Variants in DSCAM observed in about 807,000 individuals in gnomAD.
DSCAM encodes the protein DS cell adhesion molecule, also known as cell adhesion molecule DSCAM.
A neutral mutation model predicts 217.7 loss-of-function variants in DSCAM; 47 were observed. The ratio of observed to expected loss-of-function variants is 0.22; its 90% confidence interval spans 0.17 to 0.28. The LOEUF is 0.28. DSCAM is among the 10% of genes least tolerant of loss of function. The probability of loss-of-function intolerance (pLI) is 1.00; values close to 1 mark genes in which losing one functional copy is unlikely to be tolerated. For missense variants in DSCAM, 2,080 were observed against 2,618.3 expected, an observed-to-expected ratio of 0.79 and a Z score of 4.49; for synonymous variants, 1,056 against 1,015.3, an observed-to-expected ratio of 1.04 and a Z score of -0.76.
At chr21:40,037,917 A>C (rs1480472622) in intron 32 of DSCAM, among the ~76,000 whole-genome samples, 1 of 148,092 alleles carries the variant, frequency 6.8e-6, no homozygotes, top group Non-Finnish European at 1.5e-5. Flanking sequence ...GCAATGGGGA[A>C]AGGATTCCCT....
At chr21:40,124,432 C>T in intron 19 of DSCAM, 104 bp from the exon 20 acceptor site, 1 of 1,462,038 alleles carries the variant, frequency 6.8e-7, no homozygotes. Flanking sequence ...TCAGCTCTTT[C>T]AGGATGAGCG....
chr21:40,462,818 T>C (rs748432558), intron 3 of DSCAM, among the ~76,000 whole-genome samples: 18 of 152,160 alleles, frequency 1.2e-4, no homozygotes, highest in Non-Finnish European at 1.5e-4. Flanking sequence ...TTCCCACTTG[T>C]AGCACCTGAT....
chr21:40,411,457 C>T (rs572702793), intron 3 of DSCAM, among the ~76,000 whole-genome samples: 1 of 152,162 alleles, frequency 6.6e-6, no homozygotes, highest in South Asian at 2.1e-4. Flanking sequence ...TTTGATACTG[C>T]AAGTATTTCA....
At chr21:40,238,793 C>T (rs1048393793) in intron 11 of DSCAM, among the ~76,000 whole-genome samples, 6 of 152,174 alleles carry the variant, frequency 3.9e-5, no homozygotes, top group East Asian at 3.9e-4. Flanking sequence ...GTGCAGTACT[C>T]GGGAGGAATT....
intron 3 of DSCAM, among the ~76,000 whole-genome samples, chr21:40,581,742 C>T (rs965346702): frequency 1.3e-4 from 20 of 152,246 alleles, no homozygotes; most frequent in Admixed American, 2.0e-4. Context: ...CAGGTGTTAG[C>T]TGGAAACAGA....
chr21:40,622,417 T>C (rs2089533284), intron 3 of DSCAM, among the ~76,000 whole-genome samples: 2 of 152,098 alleles, frequency 1.3e-5, no homozygotes, highest in Non-Finnish European at 2.9e-5. Context: ...ACACCATAAA[T>C]TCCACCTGTC....
At chr21:40,229,122 A>G (rs2091358583) in intron 11 of DSCAM, among the ~76,000 whole-genome samples, 1 of 152,250 alleles carries the variant, frequency 6.6e-6, no homozygotes, top group Non-Finnish European at 1.5e-5. Context: ...TTAGATGTAT[A>G]GTAGTTTCAG....
intron 11 of DSCAM, chr21:40,212,509 A>C (rs2091195679): frequency 6.5e-6 from 1 of 153,932 alleles, no homozygotes; most frequent in African/African-American, 2.4e-5. Flanking sequence ...GAGATGACAC[A>C]CCCCTGTGCA....
intron 1 of DSCAM, among the ~76,000 whole-genome samples, chr21:40,743,647 TA>T (rs986698643): frequency 7.2e-5 from 11 of 151,968 alleles, no homozygotes; most frequent in Admixed American, 2.6e-4. Flanking sequence ...GAAGTACATT[TA>T]AAAAAAAATT....
At chr21:40,569,907 A>T (rs1027949972) in intron 3 of DSCAM, among the ~76,000 whole-genome samples, 8 of 152,294 alleles carry the variant, frequency 5.3e-5, no homozygotes, top group African/African-American at 1.9e-4. Context: ...ATTAGCAAAC[A>T]GCAGAAAAAA....
chr21:40,363,388 G>A (rs1427073835), intron 4 of DSCAM, among the ~76,000 whole-genome samples: 3 of 151,594 alleles, frequency 2.0e-5, no homozygotes, highest in Non-Finnish European at 2.9e-5. Flanking sequence ...GAGTAGCTGG[G>A]ATTACAGGCA....
intron 3 of DSCAM, among the ~76,000 whole-genome samples, chr21:40,571,089 A>G (rs1057210025): frequency 6.6e-6 from 1 of 152,090 alleles, no homozygotes; most frequent in African/African-American, 2.4e-5. Flanking sequence ...TGAACCTTAA[A>G]AGAAAAAAAA....
chr21:40,433,916 G>A (rs925716005), intron 3 of DSCAM, among the ~76,000 whole-genome samples: 2 of 152,210 alleles, frequency 1.3e-5, no homozygotes, highest in Admixed American at 6.5e-5. Context: ...TGAAGTGGAC[G>A]ATGTCATCTG....
intron 3 of DSCAM, among the ~76,000 whole-genome samples, chr21:40,489,886 A>C (rs972387447): frequency 2.0e-5 from 3 of 151,952 alleles, no homozygotes; most frequent in Admixed American, 2.0e-4. Flanking sequence ...AAAATCAAAG[A>C]TATATTATTC....
At chr21:40,123,018 T>C (rs1002718113) in intron 20 of DSCAM, among the ~76,000 whole-genome samples, 5 of 152,192 alleles carry the variant, frequency 3.3e-5, no homozygotes, top group Admixed American at 2.6e-4. Context: ...CTTGAGGATA[T>C]CATGTCAAGT....
At chr21:40,741,952 G>A (rs1051901047) in intron 1 of DSCAM, among the ~76,000 whole-genome samples, 2 of 152,076 alleles carry the variant, frequency 1.3e-5, no homozygotes, top group Non-Finnish European at 2.9e-5. Context: ...GAGAATACAA[G>A]ATAGATAGAG....
intron 3 of DSCAM, among the ~76,000 whole-genome samples, chr21:40,609,870 T>G (rs1043216699): frequency 6.6e-5 from 10 of 152,340 alleles, no homozygotes; most frequent in Admixed American, 6.5e-4. Context: ...GTGGTGAGAC[T>G]ATCACGGCTG....
intron 32 of DSCAM, among the ~76,000 whole-genome samples, chr21:40,018,096 G>A (rs993167799): frequency 2.6e-5 from 4 of 152,254 alleles, no homozygotes; most frequent in Non-Finnish European, 2.9e-5. Flanking sequence ...TTCGTTTATG[G>A]TAGTTATTCT....
chr21:40,050,642 C>T (rs754829441), intron 30 of DSCAM, among the ~76,000 whole-genome samples: 7 of 152,086 alleles, frequency 4.6e-5, no homozygotes, highest in Non-Finnish European at 8.8e-5. Context: ...GCCACCAGGC[C>T]GGCTAATTTT....
Sources: gnomAD v4.1 joint callset for allele counts (sites outside exome capture counted in the v4.1 genomes callset) on GRCh38, gnomAD v4.1.1 for gene constraint, MANE v1.5 for transcripts, NCBI Gene and HGNC (gene_info 2026-07-23, HGNC 2026-07-21) for gene names.